The following SLC35F3 variants were observed in gnomAD, a reference collection of about 807,000 sequenced individuals.
SLC35F3 encodes putative thiamine transporter SLC35F3.
Under a neutral mutation model 49.9 loss-of-function variants are expected in SLC35F3, and 25 were observed. The ratio of observed to expected loss-of-function variants is 0.50; its 90% CI spans 0.37 to 0.70. SLC35F3 has a LOEUF of 0.70. Ranked by LOEUF, SLC35F3 falls within the 30% of genes least tolerant of loss-of-function variation. The pLI is 0.00. For missense variants in SLC35F3, 525 were observed against 639.8 expected (o/e 0.82, Z 1.94); for synonymous variants, 275 against 265.4 (o/e 1.04, Z -0.35).
intron 2 of SLC35F3, among the ~76,000 whole-genome samples, chr1:233,980,088 T>G (rs1663156281): frequency 6.6e-6 from 1 of 152,254 alleles, no homozygotes; most frequent in African/African-American, 2.4e-5. Context: ...GTGCCAGCTC[T>G]GCCTTTGCAA....
intron 2 of SLC35F3, among the ~76,000 whole-genome samples, chr1:234,146,481 CTTTTTT>C (rs869146212): frequency 1.1e-4 from 8 of 74,040 alleles, no homozygotes; most frequent in East Asian, 1.2e-3. Context: ...GATATTTGCT[CTTTTTT>C]TTTTTTTTTT....
At chr1:234,264,807 C>T (rs1177059327) in intron 3 of SLC35F3, among the ~76,000 whole-genome samples, 1 of 152,200 alleles carries the variant, frequency 6.6e-6, no homozygotes, top group East Asian at 1.9e-4. Context: ...CCCACATCAG[C>T]CTCCTGAGTA....
intron 2 of SLC35F3, among the ~76,000 whole-genome samples, chr1:233,966,658 C>T (rs1289064311): frequency 6.6e-6 from 1 of 152,170 alleles, no homozygotes; most frequent in Non-Finnish European, 1.5e-5. Context: ...ATTAGGAAAG[C>T]AACCTCTGGC....
intron 3 of SLC35F3, among the ~76,000 whole-genome samples, chr1:234,262,753 T>G: frequency 6.6e-6 from 1 of 152,152 alleles, no homozygotes; most frequent in East Asian, 1.9e-4. Flanking sequence ...TGAGGGCAGG[T>G]GGTGAGACCC....
At chr1:233,909,432 G>T (rs1231943848) in intron 2 of SLC35F3, among the ~76,000 whole-genome samples, 5 of 152,202 alleles carry the variant, frequency 3.3e-5, no homozygotes, top group Non-Finnish European at 7.3e-5. Context: ...TTTGTTGAAT[G>T]AATGGATGGC....
rs536368235 is a variant in SLC35F3, at chr1:233,967,159, T to C, written c.283+61401T>C. ...ATACTTATCCTAAAACCAAAATTCA[T>C]TGTTAATCTGAAATTCACATTTTAT... On this transcript the variant is annotated intron_variant, in intron 2 of 7. Transcript: ENST00000366618. Among the ~76,000 whole-genome samples the C allele has an allele frequency of 3.9e-5, 6 of 152,344 alleles. No homozygotes were observed. The East Asian group carries it at 5.8e-4, about 15-fold the overall frequency.
chr1:234,079,283 A>C (rs1664840744), intron 2 of SLC35F3, among the ~76,000 whole-genome samples: 1 of 152,176 alleles, frequency 6.6e-6, no homozygotes. Flanking sequence ...ACGGTGTGAG[A>C]TTAGGGGTCT....
At chr1:234,226,653 A>G (rs1329971575) in intron 2 of SLC35F3, among the ~76,000 whole-genome samples, 2 of 151,764 alleles carry the variant, frequency 1.3e-5, no homozygotes, top group African/African-American at 4.8e-5. Context: ...ATGAGTTGGT[A>G]GCTAACCTCG....
intron 2 of SLC35F3, among the ~76,000 whole-genome samples, chr1:234,073,588 G>A (rs758276683): frequency 4.0e-4 from 61 of 152,156 alleles, no homozygotes; most frequent in African/African-American, 1.2e-3. Context: ...CAGGATACCC[G>A]TCACCTACCT....
chr1:234,303,423 T>C (rs528182746), intron 3 of SLC35F3, among the ~76,000 whole-genome samples: 3 of 152,362 alleles, frequency 2.0e-5, no homozygotes, highest in Non-Finnish European at 2.9e-5. Flanking sequence ...CTGTTGATGC[T>C]GGGACCCACT....
chr1:233,919,463 C>A (rs1218328495), intron 2 of SLC35F3, among the ~76,000 whole-genome samples: 1 of 152,138 alleles, frequency 6.6e-6, no homozygotes, highest in African/African-American at 2.4e-5. Flanking sequence ...TAAAGGAAAT[C>A]TGTTTTTTCA....
intron 2 of SLC35F3, among the ~76,000 whole-genome samples, chr1:234,155,927 T>C (rs1666145279): frequency 6.6e-6 from 1 of 152,086 alleles, no homozygotes; most frequent in Admixed American, 6.6e-5. Context: ...ATACCAAATG[T>C]TGAAGCCATT....
At chr1:233,990,364 A>C (rs1663333251) in intron 2 of SLC35F3, among the ~76,000 whole-genome samples, 2 of 152,222 alleles carry the variant, frequency 1.3e-5, no homozygotes, top group South Asian at 4.1e-4. Flanking sequence ...CTTGATTCTA[A>C]GCTCAGCTTT....
intron 3 of SLC35F3, among the ~76,000 whole-genome samples, chr1:234,292,184 A>AT (rs966088685): frequency 6.6e-6 from 1 of 152,220 alleles, no homozygotes; most frequent in African/African-American, 2.4e-5. Context: ...AGCCCAGCAC[A>AT]TTGAGAATCA....
At chr1:234,314,176 A>G (rs937270368) in intron 4 of SLC35F3, among the ~76,000 whole-genome samples, 2 of 152,178 alleles carry the variant, frequency 1.3e-5, no homozygotes, top group African/African-American at 4.8e-5. Context: ...GCCTGTCAGA[A>G]TGAACTGATG....
At position 233,984,088 on chromosome 1, in the gene SLC35F3, A is replaced by G. The variant is rs542346297; in HGVS notation, c.283+78330A>G. ...CTCCTCTATGCTTTCATCAGGAGAA[A>G]TTAGATCAAGATGAAGCGCATAGGT... On this transcript the variant is annotated intron_variant, in intron 2 of 7. Transcript: ENST00000366618. Among the ~76,000 whole-genome samples the G allele has an allele frequency of 9.2e-5, 14 of 152,272 alleles. No individual in the cohort carries two copies. The South Asian group carries it at 2.3e-3, about 25-fold the overall frequency.
chr1:233,948,546 CTT>C (rs199796352), intron 2 of SLC35F3, among the ~76,000 whole-genome samples: 12 of 143,726 alleles, frequency 8.3e-5, no homozygotes, highest in East Asian at 6.1e-4. Context: ...TAAGGCGTTT[CTT>C]TTTTTTTTTT....
At chr1:234,026,114 A>G (rs146129660) in intron 2 of SLC35F3, among the ~76,000 whole-genome samples, 39 of 152,202 alleles carry the variant, frequency 2.6e-4, no homozygotes, top group African/African-American at 8.7e-4. Context: ...TTGTAGGTGT[A>G]GGGCTTTATT....
chr1:234,069,869 G>A (rs375797390), intron 2 of SLC35F3, among the ~76,000 whole-genome samples: 41 of 152,262 alleles, frequency 2.7e-4, no homozygotes, highest in South Asian at 1.9e-3. Flanking sequence ...CACCAGTCTC[G>A]TACTGCCCAG....
Sources: gnomAD v4.1 joint callset for allele counts (sites outside exome capture counted in the v4.1 genomes callset) on GRCh38, gnomAD v4.1.1 for gene constraint, MANE v1.5 for transcripts, NCBI Gene and HGNC (gene_info 2026-07-23, HGNC 2026-07-21) for gene names.